The following ODAPH variants were observed in gnomAD, a reference collection of about 807,000 sequenced individuals.
The protein encoded by ODAPH is odontogenesis associated phosphoprotein.
A neutral mutation model predicts 2.8 loss-of-function variants in ODAPH; 2 were observed. That is an observed-to-expected ratio of 0.72 (90% CI 0.30 to 2.28). The LOEUF is 2.28. Among genes scored for constraint, ODAPH ranks in the 30% most tolerant of loss-of-function variants. ODAPH has a pLI of 0.13. For missense variants in ODAPH, 159 were observed against 163.3 expected, an observed-to-expected ratio of 0.97 and a Z score of 0.14; for synonymous variants, 75 against 60.3, an observed-to-expected ratio of 1.24 and a Z score of -1.13.
chr4:75,560,857 C>G (rs1578294730), intron 1 of ODAPH, among the ~76,000 whole-genome samples: 1 of 152,128 alleles, frequency 6.6e-6, no homozygotes, highest in African/African-American at 2.4e-5. Context: ...CACAGTTAAC[C>G]TAGTGGCAGA....
chr4:75,558,687 T>C (rs1727444563), intron 1 of ODAPH, among the ~76,000 whole-genome samples: 1 of 152,048 alleles, frequency 6.6e-6, no homozygotes, highest in South Asian at 2.1e-4. Flanking sequence ...CTAATTTTTT[T>C]GTTTGTTTGT....
At chr4:75,561,044 C>T (rs1391922647) in intron 1 of ODAPH, among the ~76,000 whole-genome samples, 1 of 151,782 alleles carries the variant, frequency 6.6e-6, no homozygotes, top group Non-Finnish European at 1.5e-5. Context: ...GGTGAAACCT[C>T]GTCTCTACTA....
chr4:75,559,983 G>C (rs139421800), intron 1 of ODAPH, among the ~76,000 whole-genome samples: 1 of 152,162 alleles, frequency 6.6e-6, no homozygotes, highest in African/African-American at 2.4e-5. Context: ...GGTAGGAAAG[G>C]CCTCCCTGAC....
At position 75,564,095 on chromosome 4, in the gene ODAPH, T is replaced by G; in HGVS notation, c.68-19T>G. ...CTGTTACCAGACCTGTTTCCTGACTTGCGTTTTCCTCTCCACAGGACAAGA... is the reference window on the plus strand; with the variant it reads ...CTGTTACCAGACCTGTTTCCTGACTGGCGTTTTCCTCTCCACAGGACAAGA... On this transcript the variant is annotated intron_variant, in intron 1 of 1. Transcript: ENST00000311623. 1 of 1,613,676 alleles carries G rather than the reference T, an allele frequency of 6.2e-7. No homozygotes were observed. The highest frequency in any genetic ancestry group is 8.5e-7 in the Non-Finnish European group (1 of 1,179,576).
chr4:75,558,214 A>G (rs1388767940), intron 1 of ODAPH, among the ~76,000 whole-genome samples: 1 of 152,196 alleles, frequency 6.6e-6, no homozygotes, highest in Non-Finnish European at 1.5e-5. Flanking sequence ...CCTGTCTGAT[A>G]CTTTCTGGGC....
At chr4:75,562,612 T>C (rs940371623) in intron 1 of ODAPH, among the ~76,000 whole-genome samples, 1 of 152,164 alleles carries the variant, frequency 6.6e-6, no homozygotes, top group Admixed American at 6.6e-5. Flanking sequence ...AGTGCTGGGA[T>C]TACAAGGGAA....
At chr4:75,561,506 A>T (rs1727576898) in intron 1 of ODAPH, among the ~76,000 whole-genome samples, 1 of 152,118 alleles carries the variant, frequency 6.6e-6, no homozygotes, top group Non-Finnish European at 1.5e-5. Flanking sequence ...ATTGATTATT[A>T]TAAGGATATC....
Position 75,556,644 on chromosome 4 carries a change from G to A in ODAPH, c.67+495G>A, listed in dbSNP as rs188743435. 2.2e-4 allele frequency: 288 copies of A among 1,310,828 alleles called. No individual in the cohort carries two copies. The African/African-American group carries it at 3.8e-3, about 17-fold the overall frequency. 81.2% of individuals were successfully genotyped at this position (1,310,828 alleles called of 1,614,324 possible). ...ATCACATCTATTGAGCTGCATTTTGGTGCCACAGAGGTGGGCACAGGTTTC... is the reference window on the plus strand; with the variant it reads ...ATCACATCTATTGAGCTGCATTTTGATGCCACAGAGGTGGGCACAGGTTTC... On this transcript the variant is annotated intron_variant, in intron 1 of 1. Transcript: ENST00000311623.
chr4:75,557,771 G>A (rs17214448), intron 1 of ODAPH, among the ~76,000 whole-genome samples: 31,414 of 152,060 alleles, frequency 0.21, 3,394 homozygotes, highest in Middle Eastern at 0.38. Flanking sequence ...TTCATCGCTC[G>A]TTCACACACA....
rs2306174 is a variant in ODAPH, at chr4:75,564,372, G to A, written c.326G>A (p.Arg109His). Residue 109 changes from arginine (R) to histidine (H), a missense_variant, in exon 2 of 2, where the codon CGT becomes CAT. Arg to His is a conservative substitution (Grantham distance 29, BLOSUM62 0). Coordinates refer to ENST00000311623, the MANE Select transcript of ODAPH (RefSeq NM_178497.5). ...FPFQPFYWPH[R>H]YLTYRYFPRR... ...TTCCAGCCATTTTATTGGCCACACC[G>A]TTACCTTACTTATAGGTATTTCCCC... The A allele has an allele frequency of 0.11, 175,482 of 1,613,812 alleles. 10,629 individuals carry two copies. The highest frequency in any genetic ancestry group is 0.2 in the South Asian group (18,384 of 91,068).
chr4:75,560,184 G>C (rs1727506712), intron 1 of ODAPH, among the ~76,000 whole-genome samples: 1 of 152,186 alleles, frequency 6.6e-6, no homozygotes, highest in Non-Finnish European at 1.5e-5. Flanking sequence ...TAGGTGTACA[G>C]ACTTTAAAGA....
chr4:75,565,820 G>T (rs185740717), downstream of ODAPH: 1 of 151,734 alleles, frequency 6.6e-6, no homozygotes, highest in East Asian at 1.9e-4. Context: ...CCTAAAAAAG[G>T]AAAGAGAGAT....
At chr4:75,556,578 G>C (rs1184296257) in intron 1 of ODAPH, 1 of 1,534,586 alleles carries the variant, frequency 6.5e-7, no homozygotes, top group Non-Finnish European at 8.7e-7. Context: ...ATATTAATTT[G>C]CACATGGTGG....
chr4:75,557,467 C>G (rs1420969789), intron 1 of ODAPH, among the ~76,000 whole-genome samples: 1 of 152,120 alleles, frequency 6.6e-6, no homozygotes. Flanking sequence ...TGGAGAAACC[C>G]CATCTCTACA....
At chr4:75,560,759 T>TA (rs1354428953) in intron 1 of ODAPH, among the ~76,000 whole-genome samples, 2 of 152,038 alleles carry the variant, frequency 1.3e-5, no homozygotes, top group Non-Finnish European at 2.9e-5. Context: ...ACCCAATTGT[T>TA]AGAGGAGGAT....
intron 1 of ODAPH, among the ~76,000 whole-genome samples, chr4:75,559,506 A>G (rs1560560036): frequency 1.3e-5 from 2 of 152,230 alleles, no homozygotes; most frequent in Admixed American, 1.3e-4. Flanking sequence ...TCACCCAGTT[A>G]TGAAATGGCA....
At chr4:75,561,223 C>CAAAAAAAA (rs35040152) in intron 1 of ODAPH, among the ~76,000 whole-genome samples, 2 of 62,682 alleles carry the variant, frequency 3.2e-5, no homozygotes, top group African/African-American at 6.1e-5. Context: ...AACTCAATCT[C>CAAAAAAAA]AAAAAAAAAA....
chr4:75,564,095 T>C lies in ODAPH; in HGVS notation c.68-19T>C. 3.1e-6 allele frequency: 5 copies of C among 1,613,676 alleles called. No homozygotes were observed. Among genetic ancestry groups the C allele is most frequent in the Middle Eastern group, 1.7e-4 (1 of 6,060 alleles). ...CTGTTACCAGACCTGTTTCCTGACT[T>C]GCGTTTTCCTCTCCACAGGACAAGA... On this transcript the variant is annotated intron_variant, in intron 1 of 1. Coordinates refer to ENST00000311623, the MANE Select transcript of ODAPH (RefSeq NM_178497.5).
intron 1 of ODAPH, among the ~76,000 whole-genome samples, chr4:75,556,837 C>G (rs1436393980): frequency 6.6e-6 from 1 of 152,162 alleles, no homozygotes; most frequent in East Asian, 1.9e-4. Context: ...GGGAGGAAAT[C>G]TTGGGGAGCC....
Sources: allele counts gnomAD v4.1 joint callset (sites outside exome capture counted in the v4.1 genomes callset), GRCh38; gene constraint gnomAD v4.1.1; transcripts MANE v1.5; gene names NCBI Gene and HGNC (gene_info 2026-07-23, HGNC 2026-07-21).